Variants in TSPAN16 observed in about 807,000 individuals in gnomAD.
TSPAN16 encodes the protein tetraspanin 16.
In TSPAN16, 23 loss-of-function variants were observed where a neutral mutation model predicts 25.2. That is an observed-to-expected ratio of 0.91 (90% confidence interval 0.66 to 1.29). The LOEUF is 1.29. Among genes scored for constraint, TSPAN16 ranks in the 50% most tolerant of loss-of-function variants. The probability of loss-of-function intolerance (pLI) is 0.00; values close to 1 mark genes in which losing one functional copy is unlikely to be tolerated. For synonymous variants in TSPAN16, 123 were observed against 124.4 expected, an observed-to-expected ratio of 0.99 and a Z score of 0.08; for missense variants, 272 against 299.9, an observed-to-expected ratio of 0.91 and a Z score of 0.69.
intron 2 of TSPAN16, among the ~76,000 whole-genome samples, chr19:11,298,592 C>T (rs1430422878): frequency 1.3e-5 from 2 of 152,046 alleles, no homozygotes; most frequent in Non-Finnish European, 2.9e-5. Flanking sequence ...CCCTACCATG[C>T]CCTGCTAATT....
chr19:11,320,684 AAAAG>A (rs1165053796), downstream of TSPAN16, among the ~76,000 whole-genome samples: 3 of 151,918 alleles, frequency 2.0e-5, no homozygotes, highest in Middle Eastern at 3.4e-3. Flanking sequence ...AAAAAAAAAA[AAAAG>A]AAAAGAAAAG....
In TSPAN16 at chr19:11,301,286, A is replaced by G. The variant is rs201736627; in HGVS notation, c.428A>G (p.Gln143Arg). ...GYNEPDDYST[Q>R]WNLVMEKLKC... ...AACGAGCCAGACGACTATTCTACAC[A>G]GTGGAACTTGGTCATGGAGAAGGTG... Residue 143 changes from glutamine (Q) to arginine (R), a missense_variant, in exon 4 of 7, where the codon CAG becomes CGG. Physicochemically the swap from Gln to Arg is conservative, Grantham distance 43 (BLOSUM62 1). Transcript: ENST00000590327. The G allele has an allele frequency of 1.1e-5, 18 of 1,613,820 alleles. No individual in the cohort carries two copies. In the African/African-American group the frequency reaches 1.9e-4, roughly 17 times the overall value.
At chr19:11,321,600 G>A (rs1290594046) in intron 6 of TSPAN16, among the ~76,000 whole-genome samples, 1 of 152,206 alleles carries the variant, frequency 6.6e-6, no homozygotes. Context: ...CAGGGGCCTG[G>A]TATGTTCAGA....
intron 5 of TSPAN16, among the ~76,000 whole-genome samples, chr19:11,307,320 A>C (rs1490506090): frequency 6.8e-6 from 1 of 147,100 alleles, no homozygotes; most frequent in Non-Finnish European, 1.5e-5. Context: ...GGGTTTCCTC[A>C]TGTTGGCCAG....
At chr19:11,317,577 C>T (rs1730929762), downstream of TSPAN16, among the ~76,000 whole-genome samples, 1 of 151,938 alleles carries the variant, frequency 6.6e-6, no homozygotes, top group Admixed American at 6.6e-5. Context: ...TCACTGCAAC[C>T]TCAGCCTTCC....
At chr19:11,305,473 A>G (rs956630986) in intron 4 of TSPAN16, among the ~76,000 whole-genome samples, 1 of 151,756 alleles carries the variant, frequency 6.6e-6, no homozygotes, top group Admixed American at 6.6e-5. Flanking sequence ...GAAGTTGCAG[A>G]GAGCCAAGAT....
At chr19:11,311,176 G>A (rs185288949) in intron 5 of TSPAN16, among the ~76,000 whole-genome samples, 2 of 152,054 alleles carry the variant, frequency 1.3e-5, no homozygotes, top group African/African-American at 4.8e-5. Flanking sequence ...TCACTCTGTC[G>A]ACAAGCTGGA....
chr19:11,319,560 T>TGCACTCCAGCCTGG (rs2080765590), downstream of TSPAN16, among the ~76,000 whole-genome samples: 1 of 151,682 alleles, frequency 6.6e-6, no homozygotes, highest in Non-Finnish European at 1.5e-5. Flanking sequence ...ATCGCGCCAC[T>TGCACTCCAGCCTGG]GCACTCCAGC....
In TSPAN16 at chr19:11,299,071, T is replaced by A. The variant is rs1231048109; in HGVS notation, c.342+125T>A. 11 of 929,016 alleles carry A rather than the reference T, an allele frequency of 1.2e-5. No individual in the cohort carries two copies. The South Asian group carries it at 1.6e-4, about 14-fold the overall frequency. 57.5% of individuals were successfully genotyped at this position (929,016 alleles called of 1,614,324 possible). The stretch of plus-strand genomic sequence containing the variant: ...GAGTCTGGTGGATCACCTGAGGTCA[T>A]GAGTTTGAGACCAGCCTGGCCAACA... On this transcript the variant is annotated intron_variant, in intron 3 of 6. Transcript: ENST00000590327.
intron 6 of TSPAN16, chr19:11,325,254 AG>A: frequency 1.7e-6 from 1 of 605,982 alleles, no homozygotes. Flanking sequence ...GACATTGTGA[AG>A]GAATGAGCCA....
chr19:11,298,127 G>A lies in TSPAN16; in HGVS notation c.70-15G>A, dbSNP rs1270332128. On this transcript the variant is annotated splice_polypyrimidine_tract_variant and intron_variant, in intron 1 of 6. Transcript: ENST00000590327. The stretch of plus-strand genomic sequence containing the variant: ...AACAGATTACTTTTCTTCCTTTCTG[G>A]TTTCTGTTCTAAAGGTGTCTGGCAT... The A allele has an allele frequency of 3.7e-6, 6 of 1,613,278 alleles. No individual in the cohort carries two copies. Among genetic ancestry groups the A allele is most frequent in the Non-Finnish European group, 1.7e-6 (2 of 1,179,448 alleles).
chr19:11,301,638 T>TA (rs567521729), intron 4 of TSPAN16, among the ~76,000 whole-genome samples: 6,487 of 130,016 alleles, frequency 0.05, 179 homozygotes, highest in South Asian at 0.072. Context: ...AGGCTCTGTT[T>TA]AAAAAAAAAA....
chr19:11,306,514 C>T (rs1355044623), intron 4 of TSPAN16, 90 bp from the exon 5 acceptor site: 3 of 1,482,082 alleles, frequency 2.0e-6, no homozygotes, highest in East Asian at 2.3e-5. Flanking sequence ...GATATTGTGA[C>T]CATACTAGAC....
downstream of TSPAN16, among the ~76,000 whole-genome samples, chr19:11,319,017 A>G (rs575344410): frequency 7.2e-5 from 11 of 152,278 alleles, no homozygotes; most frequent in South Asian, 8.3e-4. Flanking sequence ...TAATTCTCCA[A>G]TTCTCTGTGG....
intron 4 of TSPAN16, among the ~76,000 whole-genome samples, chr19:11,305,200 A>G (rs2080612525): frequency 6.6e-6 from 1 of 152,104 alleles, no homozygotes; most frequent in South Asian, 2.1e-4. Flanking sequence ...GCTATGAGTC[A>G]GGCACTCTAT....
chr19:11,315,235 C>CAAT (rs58115943), intron 6 of TSPAN16, among the ~76,000 whole-genome samples: 34,169 of 124,408 alleles, frequency 0.27, 4,807 homozygotes, highest in East Asian at 0.32. Flanking sequence ...GACTCCTTCT[C>CAAT]AATAATAATA....
intron 3 of TSPAN16, among the ~76,000 whole-genome samples, chr19:11,299,935 C>G (rs1356250731): frequency 6.7e-6 from 1 of 150,298 alleles, no homozygotes; most frequent in Non-Finnish European, 1.5e-5. Flanking sequence ...TGAGATTGTG[C>G]CATTGCACTC....
At chr19:11,321,152 A>T (rs2080777163) in intron 6 of TSPAN16, 1 of 151,258 alleles carries the variant, frequency 6.6e-6, no homozygotes, top group African/African-American at 2.4e-5. Flanking sequence ...TGGGTGGCAG[A>T]GTAGGACTGA....
chr19:11,316,086 GGTGTGTGT>G (rs147500274), downstream of TSPAN16: 50 of 257,576 alleles, frequency 1.9e-4, no homozygotes, highest in Admixed American at 2.9e-3. Flanking sequence ...AATTATTCTT[GGTGTGTGT>G]GTGTGTGTGT....
Sources: allele counts gnomAD v4.1 joint callset (sites outside exome capture counted in the v4.1 genomes callset), GRCh38; gene constraint gnomAD v4.1.1; transcripts MANE v1.5; gene names NCBI Gene and HGNC (gene_info 2026-07-23, HGNC 2026-07-21).